Variants in GGNBP2 observed in about 807,000 individuals in gnomAD.
The protein encoded by GGNBP2 is gametogenetin-binding protein 2.
In GGNBP2, 10 loss-of-function variants were observed where a neutral mutation model predicts 85.9. The ratio of observed to expected loss-of-function variants is 0.12; its 90% CI spans 0.07 to 0.20. The LOEUF is 0.20. Among genes scored for constraint, GGNBP2 ranks in the 10% least tolerant of loss-of-function variants. GGNBP2 has a pLI of 1.00. For synonymous variants in GGNBP2, 287 were observed against 285.7 expected (o/e 1.00, Z -0.05); for missense variants, 595 against 857.8 (o/e 0.69, Z 3.83).
chr17:36,588,383 G>C (rs570641101), intron 13 of GGNBP2, among the ~76,000 whole-genome samples: 1 of 151,866 alleles, frequency 6.6e-6, no homozygotes, highest in South Asian at 2.1e-4. Flanking sequence ...TCAGCCTCCC[G>C]AGTAGCTGGG....
At chr17:36,572,854 C>A (rs918883805) in intron 6 of GGNBP2, among the ~76,000 whole-genome samples, 1 of 152,140 alleles carries the variant, frequency 6.6e-6, no homozygotes, top group Non-Finnish European at 1.5e-5. Context: ...CCCTCACCCC[C>A]TAGCAACCAC....
Position 36,545,641 on chromosome 17 carries a change from AGCGGCGGCGGCAGAAACAGCAGCG to A in GGNBP2, c.-72_-49del, listed in dbSNP as rs913538765. 9 of 1,062,768 alleles carry A rather than the reference AGCGGCGGCGGCAGAAACAGCAGCG, an allele frequency of 8.5e-6. No homozygotes were observed. The highest frequency in any genetic ancestry group is 2.6e-5 in the East Asian group (1 of 38,322). 65.8% of individuals were successfully genotyped at this position (1,062,768 alleles called of 1,614,324 possible). On this transcript the variant is annotated 5_prime_UTR_variant, in exon 2 of 14. Coordinates refer to ENST00000613102, the MANE Select transcript of GGNBP2 (RefSeq NM_024835.5). ...CAGGCAGGAGCTGGGAGGAGGCGGC[AGCGGCGGCGGCAGAAACAGCAGCG>A]GCGGCGGCGGCGGCAGCTGGGAGGA...
intron 6 of GGNBP2, among the ~76,000 whole-genome samples, chr17:36,570,805 G>C (rs566024287): frequency 3.9e-5 from 6 of 152,308 alleles, no homozygotes; most frequent in African/African-American, 1.4e-4. Context: ...CAGATCACAT[G>C]AGGCCAGGAG....
At position 36,544,951 on chromosome 17, in the gene GGNBP2, T is replaced by G. The variant is rs115694700; in HGVS notation, c.-253T>G. 10,963 of 147,190 alleles carry G rather than the reference T, an allele frequency of 0.074. 682 individuals are homozygous for G. Among genetic ancestry groups the G allele is most frequent in the African/African-American group, 0.17 (6,809 of 40,366 alleles). The allele number at this position is 147,190 out of a possible 1,614,324, so 9.1% of individuals were successfully genotyped here. Reference sequence around the variant, plus strand: ...CGCGGCGCGAGCGGCTGACTGCCCGTAGAGGAAACGACATTCGGAGCTGCG... The same window carrying G: ...CGCGGCGCGAGCGGCTGACTGCCCGGAGAGGAAACGACATTCGGAGCTGCG... On this transcript the variant is annotated 5_prime_UTR_variant, in exon 1 of 14. Coordinates refer to ENST00000613102, the MANE Select transcript of GGNBP2 (RefSeq NM_024835.5).
At position 36,567,646 on chromosome 17, in the gene GGNBP2, A is replaced by C. The variant is rs775669169; in HGVS notation, c.528-17A>C. 5 of 1,325,430 alleles carry C rather than the reference A, an allele frequency of 3.8e-6. No homozygotes were observed. In the South Asian group the frequency reaches 6.1e-5, roughly 16 times the overall value. The allele number at this position is 1,325,430 out of a possible 1,614,324, so 82.1% of individuals were successfully genotyped here. A position where few individuals can be genotyped will look rare whatever the true frequency, so the allele number is the denominator to read the frequency against. ...TTCTGTATTCTCCCTTTTCACTAAT[A>C]TTTGTTCTTTCTACAGAGGTTGTTG... is the stretch of plus-strand genomic sequence containing the variant. On this transcript the variant is annotated splice_polypyrimidine_tract_variant and intron_variant, in intron 5 of 13. Transcript: ENST00000613102.
At chr17:36,554,692 C>G (rs541278176) in intron 2 of GGNBP2, 128 bp from the exon 3 acceptor site, 36 of 681,432 alleles carry the variant, frequency 5.3e-5, no homozygotes, top group Admixed American at 9.6e-5. Context: ...TTGGATTTAA[C>G]AAAATTTTTT....
In GGNBP2 at chr17:36,557,328, T is replaced by C. The variant is rs1162014177; in HGVS notation, c.420T>C (p.Tyr140=). ...TDAKKLYTLF[Y]VHGSKLNDMI... Reference sequence around the variant, plus strand: ...CAAAGAAGCTTTATACATTATTTTATGTACATGGGTAAGTATAATCAATTA... The same window carrying C: ...CAAAGAAGCTTTATACATTATTTTACGTACATGGGTAAGTATAATCAATTA... The change falls in exon 4 of 14, where the codon TAT becomes TAC. Residue 140 remains tyrosine (Y), a synonymous_variant. Transcript: ENST00000613102. 13 of 1,613,322 alleles carry C rather than the reference T, an allele frequency of 8.1e-6. No homozygotes were observed. Among genetic ancestry groups the C allele is most frequent in the Non-Finnish European group, 1.1e-5 (13 of 1,179,432 alleles).
At chr17:36,562,335 T>C (rs1408803756) in intron 5 of GGNBP2, among the ~76,000 whole-genome samples, 2 of 151,766 alleles carry the variant, frequency 1.3e-5, no homozygotes, top group Non-Finnish European at 2.9e-5. Context: ...CCTGGCTAAT[T>C]TTTTTGGATT....
At chr17:36,554,738 G>A (rs565596364) in intron 2 of GGNBP2, 82 bp from the exon 3 acceptor site, 12 of 929,694 alleles carry the variant, frequency 1.3e-5, no homozygotes, top group African/African-American at 3.3e-5. Flanking sequence ...TGGCTTTCAC[G>A]GGTCTATTTC....
intron 5 of GGNBP2, 51 bp from the exon 6 acceptor site, chr17:36,567,612 G>A: frequency 1.0e-6 from 1 of 970,566 alleles, no homozygotes; most frequent in Non-Finnish European, 1.6e-6. Flanking sequence ...TTTTTTTAAG[G>A]TTTTACCCTT....
intron 8 of GGNBP2, among the ~76,000 whole-genome samples, chr17:36,579,964 C>G (rs1456159352): frequency 1.3e-5 from 2 of 152,008 alleles, no homozygotes; most frequent in East Asian, 3.9e-4. Flanking sequence ...GAGCCAAGAT[C>G]ACGTCACTGC....
In GGNBP2 at chr17:36,585,414, A is replaced by C. The variant is rs2074691223; in HGVS notation, c.1330A>C (p.Ser444Arg). ...AAATACATCATGTACCTGTCCTAGC[A>C]GTGGCAATCTTTTGGGGTCCCCTAA... is the stretch of plus-strand genomic sequence containing the variant. ...NENTSCTCPS[S>R]GNLLGSPKIK... is the part of the protein sequence containing the mutation. The change falls in exon 10 of 14, where the codon AGT becomes CGT. Residue 444 changes from serine to arginine, a missense_variant. Ser to Arg is a moderately radical substitution (Grantham distance 110). Around this residue, in one of 9 missense-constraint regions of GGNBP2, gnomAD observed 85 missense variants for 92.6 expected, o/e 0.92. Transcript: ENST00000613102. 1 of 1,609,322 alleles carries C rather than the reference A, an allele frequency of 6.2e-7. No individual in the cohort carries two copies. The highest frequency in any genetic ancestry group is 8.5e-7 in the Non-Finnish European group (1 of 1,177,848).
intron 9 of GGNBP2, among the ~76,000 whole-genome samples, chr17:36,582,736 A>G (rs2074663598): frequency 6.6e-6 from 1 of 152,186 alleles, no homozygotes; most frequent in Non-Finnish European, 1.5e-5. Flanking sequence ...TTAATGTATT[A>G]TTAGATCAAA....
chr17:36,548,172 A>C (rs1433722833), intron 2 of GGNBP2, among the ~76,000 whole-genome samples: 1 of 152,252 alleles, frequency 6.6e-6, no homozygotes, highest in African/African-American at 2.4e-5. Context: ...TAGGATTTTG[A>C]TAGTAGCTAA....
At chr17:36,557,881 A>G (rs1599507893) in intron 4 of GGNBP2, among the ~76,000 whole-genome samples, 7 of 152,126 alleles carry the variant, frequency 4.6e-5, no homozygotes, top group African/African-American at 1.2e-4. Context: ...TGGGAGGCCA[A>G]GGCAGGCAGA....
At chr17:36,548,750 C>T in intron 2 of GGNBP2, among the ~76,000 whole-genome samples, 1 of 151,180 alleles carries the variant, frequency 6.6e-6, no homozygotes, top group Non-Finnish European at 1.5e-5. Context: ...TTGAGACCAG[C>T]CTGGGCAATG....
chr17:36,587,536 C>T, intron 13 of GGNBP2: 1 of 326,560 alleles, frequency 3.1e-6, no homozygotes, highest in South Asian at 5.0e-5. Context: ...CTCAAAAATA[C>T]TGCGAGTTGA....
At chr17:36,563,440 T>C (rs1317563736) in intron 5 of GGNBP2, among the ~76,000 whole-genome samples, 3 of 152,120 alleles carry the variant, frequency 2.0e-5, no homozygotes, top group Admixed American at 2.0e-4. Context: ...TTAAAGCAAG[T>C]CCCAGGCTTC....
intron 6 of GGNBP2, chr17:36,574,582 G>A (rs2142756126): frequency 9.5e-6 from 5 of 527,724 alleles, no homozygotes; most frequent in East Asian, 4.1e-5. Flanking sequence ...TCCAGAGGTC[G>A]GGGGTCAGGT....
Sources: allele counts gnomAD v4.1 joint callset (sites outside exome capture counted in the v4.1 genomes callset), GRCh38; gene constraint gnomAD v4.1.1; regional missense constraint gnomAD v4.1.1; transcripts MANE v1.5; gene names NCBI Gene and HGNC (gene_info 2026-07-23, HGNC 2026-07-21).